The following ANKRD11 variants were observed in gnomAD, a reference collection of about 807,000 sequenced individuals.
ANKRD11 encodes ankyrin repeat domain 11.
A neutral mutation model predicts 195.7 loss-of-function variants in ANKRD11; 17 were observed. That is an observed-to-expected ratio of 0.09 (90% confidence interval 0.06 to 0.13). The LOEUF is 0.13. Among genes scored for constraint, ANKRD11 ranks in the 10% least tolerant of loss-of-function variants. The pLI, the probability that ANKRD11 is intolerant of heterozygous loss-of-function variation, is 1.00. For synonymous variants in ANKRD11, 1,953 were observed against 1,528.1 expected (o/e 1.28, Z -6.49); for missense variants, 3,735 against 3,566.1 (o/e 1.05, Z -1.21).
rs201003046 is a variant in ANKRD11 at position 89,284,094 on chromosome 16, T to G, written c.2448A>C (p.Glu816Asp). Reference protein sequence around the residue: ...KVYREDSAFDEYCNKNQFLEN... With the variant: ...KVYREDSAFDDYCNKNQFLEN... ...CCAGAAACTGATTTTTGTTACAATATTCGTCAAAAGCAGAATCTTCCCTAT... is the reference window on the plus strand; with the variant it reads ...CCAGAAACTGATTTTTGTTACAATAGTCGTCAAAAGCAGAATCTTCCCTAT... The change falls in exon 9 of 13, where the codon GAA (glutamate) becomes GAC (aspartate). Residue 816 changes from glutamate to aspartate, a missense_variant. Physicochemically the swap from Glu to Asp is conservative, Grantham distance 45 (BLOSUM62 2). Coordinates refer to ENST00000301030, the MANE Select transcript of ANKRD11 (RefSeq NM_013275.6). 2 of 1,614,042 alleles carry G rather than the reference T, an allele frequency of 1.2e-6. No individual in the cohort carries two copies. Among genetic ancestry groups the G allele is most frequent in the African/African-American group, 2.7e-5 (2 of 75,068 alleles).
At chr16:89,472,812 C>T (rs1457836784) in intron 1 of ANKRD11, among the ~76,000 whole-genome samples, 1 of 152,134 alleles carries the variant, frequency 6.6e-6, no homozygotes, top group Non-Finnish European at 1.5e-5. Context: ...CAGAGGGGAG[C>T]AGAGAGCACC....
At chr16:89,326,269 C>A (rs2037712465) in intron 2 of ANKRD11, among the ~76,000 whole-genome samples, 1 of 152,114 alleles carries the variant, frequency 6.6e-6, no homozygotes, top group South Asian at 2.1e-4. Flanking sequence ...CGGAAGTGAC[C>A]AGCAGAGAGA....
chr16:89,312,352 GAGGAC>G (rs1277095293), intron 3 of ANKRD11, among the ~76,000 whole-genome samples: 1 of 152,236 alleles, frequency 6.6e-6, no homozygotes, highest in Non-Finnish European at 1.5e-5. Flanking sequence ...GGGAGGAGAT[GAGGAC>G]AGTGTGTTCT....
intron 2 of ANKRD11, among the ~76,000 whole-genome samples, chr16:89,407,813 G>A (rs1375341199): frequency 7.3e-6 from 1 of 136,246 alleles, no homozygotes; most frequent in Non-Finnish European, 1.5e-5. Context: ...TCCGGCCACT[G>A]CACTCCCACC....
intron 1 of ANKRD11, among the ~76,000 whole-genome samples, chr16:89,487,360 C>A: frequency 6.6e-6 from 1 of 152,234 alleles, no homozygotes; most frequent in African/African-American, 2.4e-5. Context: ...TCTGAGCCAG[C>A]ATTTACTGAT....
At chr16:89,351,552 G>A (rs1213303228) in intron 2 of ANKRD11, among the ~76,000 whole-genome samples, 2 of 152,124 alleles carry the variant, frequency 1.3e-5, no homozygotes, top group Non-Finnish European at 1.5e-5. Flanking sequence ...ACAGACTCTC[G>A]GGCAGGTCTG....
intron 2 of ANKRD11, among the ~76,000 whole-genome samples, chr16:89,346,973 T>G (rs911373119): frequency 6.6e-6 from 1 of 151,864 alleles, no homozygotes; most frequent in Non-Finnish European, 1.5e-5. Context: ...CTAGACAAAA[T>G]AGGAAGGCGC....
At chr16:89,394,212 G>A (rs2041326197) in intron 2 of ANKRD11, among the ~76,000 whole-genome samples, 1 of 152,116 alleles carries the variant, frequency 6.6e-6, no homozygotes. Flanking sequence ...TTCCCTCCAC[G>A]ACATGGGCAC....
At position 89,381,331 on chromosome 16, in the gene ANKRD11, C is replaced by CAAAA. The variant is rs10567322; in HGVS notation, c.-60+36949_-60+36952dup. Among the ~76,000 whole-genome samples, 236 of 76,346 alleles carry CAAAA rather than the reference C, an allele frequency of 3.1e-3. 5 individuals carry two copies. The highest frequency in any genetic ancestry group is 0.012 in the African/African-American group (216 of 17,400). 50.1% of individuals were successfully genotyped at this position (76,346 alleles called of 152,430 possible). ...TGGGCTACAGAGCGAGACTCTGCTGCAAAAAAAAAAAAAAAAAAAAAAAGG... is the reference window on the plus strand; with the variant it reads ...TGGGCTACAGAGCGAGACTCTGCTGCAAAAAAAAAAAAAAAAAAAAAAAAAAAGG... On this transcript the variant is annotated intron_variant, in intron 2 of 12. Coordinates refer to ENST00000301030, the MANE Select transcript of ANKRD11 (RefSeq NM_013275.6).
At chr16:89,308,681 A>G (rs945174107) in intron 3 of ANKRD11, among the ~76,000 whole-genome samples, 1 of 152,188 alleles carries the variant, frequency 6.6e-6, no homozygotes, top group Non-Finnish European at 1.5e-5. Context: ...AAACAAGCAC[A>G]AGGATGTTCA....
intron 1 of ANKRD11, among the ~76,000 whole-genome samples, chr16:89,437,526 A>T (rs1297684772): frequency 6.6e-6 from 1 of 151,582 alleles, no homozygotes; most frequent in Non-Finnish European, 1.5e-5. Flanking sequence ...GCATGCCACC[A>T]TCTCCCCTGA....
chr16:89,442,331 G>T (rs1179396313), intron 1 of ANKRD11, among the ~76,000 whole-genome samples: 1 of 152,190 alleles, frequency 6.6e-6, no homozygotes, highest in Non-Finnish European at 1.5e-5. Flanking sequence ...ACAATGTTTT[G>T]AATGTGATGG....
rs143099570 is a variant in ANKRD11 at position 89,372,230 on chromosome 16, G to A, written c.-60+46054C>T. On this transcript the variant is annotated intron_variant, in intron 2 of 12. Coordinates refer to ENST00000301030, the MANE Select transcript of ANKRD11 (RefSeq NM_013275.6). ...GATGGATCCTGACACTCAGAGCTGGGGAAAGAGCCACACGTCCTCCTGCAG... is the reference window on the plus strand; with the variant it reads ...GATGGATCCTGACACTCAGAGCTGGAGAAAGAGCCACACGTCCTCCTGCAG... Among the ~76,000 whole-genome samples, 51 of 152,332 alleles carry A rather than the reference G, an allele frequency of 3.3e-4. No individual in the cohort carries two copies. In the East Asian group the frequency reaches 9.7e-3, roughly 29 times the overall value.
chr16:89,305,409 T>G, intron 3 of ANKRD11, 65 bp from the exon 4 acceptor site: 1 of 1,608,348 alleles, frequency 6.2e-7, no homozygotes, highest in Non-Finnish European at 8.5e-7. Flanking sequence ...CTCAAGATTT[T>G]GTTTCATATG....
chr16:89,366,484 G>C (rs1349136992), intron 2 of ANKRD11, among the ~76,000 whole-genome samples: 2 of 152,184 alleles, frequency 1.3e-5, no homozygotes, highest in Non-Finnish European at 2.9e-5. Context: ...AGACTCGCCA[G>C]CATCTGTTAT....
At chr16:89,342,472 G>C (rs1354347243) in intron 2 of ANKRD11, among the ~76,000 whole-genome samples, 8 of 152,232 alleles carry the variant, frequency 5.3e-5, no homozygotes. Context: ...CAGGAACAAG[G>C]CAAAGCGTGA....
rs1057362687 is a variant in ANKRD11, at chr16:89,317,852, A to G, written c.-59-774T>C. ...GACTGCCCCTCTCTCAGGGCTGGCAAATTCCTAGATAGCCAAGGGCTCCCA... is the reference window on the plus strand; with the variant it reads ...GACTGCCCCTCTCTCAGGGCTGGCAGATTCCTAGATAGCCAAGGGCTCCCA... On this transcript the variant is annotated intron_variant, in intron 2 of 12. Coordinates refer to ENST00000301030, the MANE Select transcript of ANKRD11 (RefSeq NM_013275.6). Among the ~76,000 whole-genome samples the G allele has an allele frequency of 2.0e-5, 3 of 152,084 alleles. No individual in the cohort carries two copies. The East Asian group carries it at 5.8e-4, about 29-fold the overall frequency.
intron 1 of ANKRD11, among the ~76,000 whole-genome samples, chr16:89,433,696 C>T (rs2043094948): frequency 6.7e-6 from 1 of 150,024 alleles, no homozygotes; most frequent in African/African-American, 2.5e-5. Flanking sequence ...CGCAGCAGGG[C>T]TGGGCACGCC....
intron 2 of ANKRD11, among the ~76,000 whole-genome samples, chr16:89,353,546 C>T (rs74943483): frequency 6.6e-6 from 1 of 151,776 alleles, no homozygotes; most frequent in East Asian, 2.0e-4. Context: ...GGTGCAATCT[C>T]GGCTCACTGC....
Sources: gnomAD v4.1 joint callset for allele counts (sites outside exome capture counted in the v4.1 genomes callset) on GRCh38, gnomAD v4.1.1 for gene constraint, MANE v1.5 for transcripts, NCBI Gene and HGNC (gene_info 2026-07-23, HGNC 2026-07-21) for gene names.